The following NEK7 variants were observed in gnomAD, a reference collection of about 807,000 sequenced individuals.
The protein encoded by NEK7 is NIMA related kinase 7.
In NEK7, 18 loss-of-function variants were observed where a neutral mutation model predicts 44.6. That is an observed-to-expected ratio of 0.40 (90% confidence interval 0.28 to 0.60). NEK7 has a LOEUF of 0.60. Among genes scored for constraint, NEK7 ranks in the 20% least tolerant of loss-of-function variants. NEK7 has a pLI of 0.38. For synonymous variants in NEK7, 130 were observed against 121.1 expected (o/e 1.07, Z -0.48); for missense variants, 256 against 366.5 (o/e 0.70, Z 2.46).
chr1:198,306,124 T>C (rs1208660704), intron 9 of NEK7, among the ~76,000 whole-genome samples: 1 of 152,084 alleles, frequency 6.6e-6, no homozygotes, highest in Non-Finnish European at 1.5e-5. Context: ...CCCCATAGAG[T>C]TTTTATGAAG....
intron 8 of NEK7, 128 bp downstream of exon 8, chr1:198,293,167 G>A (rs560274481): frequency 3.1e-4 from 177 of 563,484 alleles, no homozygotes; most frequent in Middle Eastern, 9.3e-4. Flanking sequence ...AAGAATTTTC[G>A]TTGGGTTAAT....
intron 2 of NEK7, among the ~76,000 whole-genome samples, chr1:198,250,311 T>C (rs538199527): frequency 0.03 from 4,484 of 147,574 alleles, 32 homozygotes; most frequent in Middle Eastern, 0.046. Context: ...AGTCAGGTAG[T>C]GTGATGCCTC....
rs1472029619 is a variant in NEK7, at chr1:198,321,176, T to TA, written c.*1660dup. 6.6e-6 allele frequency: 1 copy of TA among 152,214 alleles called. No individual in the cohort carries two copies. Among genetic ancestry groups the TA allele is most frequent in the Non-Finnish European group, 1.5e-5 (1 of 68,032 alleles). The allele number at this position is 152,214 out of a possible 1,614,324, so 9.4% of individuals were successfully genotyped here. On this transcript the variant is annotated 3_prime_UTR_variant, in exon 10 of 10. Transcript: ENST00000367385. Reference sequence around the variant, plus strand: ...GAATGCTTTCAAGCATTTGTAAACTTAAAAAATGTATAAAGGGCAAAAAGT... The same window carrying TA: ...GAATGCTTTCAAGCATTTGTAAACTTAAAAAAATGTATAAAGGGCAAAAAGT...
intron 1 of NEK7, among the ~76,000 whole-genome samples, chr1:198,173,429 T>TA (rs1558041279): frequency 3.4e-4 from 51 of 147,990 alleles, no homozygotes; most frequent in East Asian, 5.9e-4. Flanking sequence ...ACTCTGTCTT[T>TA]TAAAAAAAAA....
intron 1 of NEK7, among the ~76,000 whole-genome samples, chr1:198,158,523 GT>G (rs1430429459): frequency 6.6e-6 from 1 of 152,184 alleles, no homozygotes. Flanking sequence ...AATATGTTCT[GT>G]TCAGGACCTT....
At chr1:198,173,524 CTGACT>C (rs1049608465) in intron 1 of NEK7, among the ~76,000 whole-genome samples, 2 of 151,596 alleles carry the variant, frequency 1.3e-5, no homozygotes, top group African/African-American at 2.4e-5. Flanking sequence ...TATTTGCTGC[CTGACT>C]TAAGTATAAT....
At position 198,180,558 on chromosome 1, in the gene NEK7, G is replaced by A. The variant is rs932239552; in HGVS notation, c.-29+23282G>A. Among the ~76,000 whole-genome samples, 3 of 151,902 alleles carry A rather than the reference G, an allele frequency of 2.0e-5. No individual in the cohort carries two copies. The East Asian group carries it at 5.8e-4, about 29-fold the overall frequency. ...GACAGGGCTAGAATTCATAATTTTT[G>A]TTGTTGTTATTTAACACATTTTCCC... On this transcript the variant is annotated intron_variant, in intron 1 of 9. Coordinates refer to ENST00000367385, the MANE Select transcript of NEK7 (RefSeq NM_133494.3).
intron 8 of NEK7, among the ~76,000 whole-genome samples, chr1:198,295,182 G>A (rs1049959124): frequency 2.0e-5 from 3 of 151,824 alleles, no homozygotes; most frequent in African/African-American, 4.8e-5. Flanking sequence ...TTGCTACACG[G>A]ACCTTTACAT....
chr1:198,170,310 CAGAGA>C (rs1664398862), intron 1 of NEK7, among the ~76,000 whole-genome samples: 1 of 152,016 alleles, frequency 6.6e-6, no homozygotes, highest in South Asian at 2.1e-4. Flanking sequence ...GGAGACCAGA[CAGAGA>C]CTAGTTTGGC....
At chr1:198,190,402 G>A (rs1177523609) in intron 1 of NEK7, among the ~76,000 whole-genome samples, 1 of 152,064 alleles carries the variant, frequency 6.6e-6, no homozygotes, top group African/African-American at 2.4e-5. Context: ...TTTTATGCCA[G>A]TATTTTTCTT....
chr1:198,200,415 C>T (rs1665392610), intron 1 of NEK7, among the ~76,000 whole-genome samples: 1 of 152,126 alleles, frequency 6.6e-6, no homozygotes, highest in Non-Finnish European at 1.5e-5. Context: ...GTACCACCAT[C>T]TCCAGAGATG....
At chr1:198,207,376 G>A (rs781075754) in intron 1 of NEK7, among the ~76,000 whole-genome samples, 1 of 152,078 alleles carries the variant, frequency 6.6e-6, no homozygotes, top group Non-Finnish European at 1.5e-5. Flanking sequence ...TTACCAGAGC[G>A]TAGAGTGTAT....
intron 9 of NEK7, among the ~76,000 whole-genome samples, chr1:198,314,938 C>T (rs1485253482): frequency 6.6e-6 from 1 of 152,228 alleles, no homozygotes; most frequent in South Asian, 2.1e-4. Flanking sequence ...AGGCAGGTCT[C>T]CTTGAGCTGT....
chr1:198,234,078 G>A (rs945577181), intron 2 of NEK7, among the ~76,000 whole-genome samples: 4 of 152,014 alleles, frequency 2.6e-5, no homozygotes, highest in Admixed American at 6.6e-5. Context: ...TTGAGGGAAA[G>A]GACTGTGTCT....
intron 1 of NEK7, among the ~76,000 whole-genome samples, chr1:198,161,835 G>A (rs1664115375): frequency 6.6e-6 from 1 of 151,868 alleles, no homozygotes; most frequent in Non-Finnish European, 1.5e-5. Context: ...AAAACTACTA[G>A]ACAAAGAAAC....
Position 198,191,982 on chromosome 1 carries a change from A to G in NEK7, c.-29+34706A>G, listed in dbSNP as rs1272631511. On this transcript the variant is annotated intron_variant, in intron 1 of 9. Coordinates refer to ENST00000367385, the MANE Select transcript of NEK7 (RefSeq NM_133494.3). ...GTTCTCCCTGTCTTTTCCTGCTTCA[A>G]TTGCCCTTTCAATAAGCTTGGATCT... is the stretch of plus-strand genomic sequence containing the variant. Among the ~76,000 whole-genome samples, 3 of 152,140 alleles carry G rather than the reference A, an allele frequency of 2.0e-5. 1 individual carries two copies. Among genetic ancestry groups the G allele is most frequent in the South Asian group, 4.1e-4 (2 of 4,820 alleles).
At chr1:198,219,763 A>C (rs892600432) in intron 1 of NEK7, among the ~76,000 whole-genome samples, 3 of 152,064 alleles carry the variant, frequency 2.0e-5, no homozygotes, top group Admixed American at 6.5e-5. Flanking sequence ...TGGCAGGAAT[A>C]TCACAGAGGT....
In NEK7 at chr1:198,243,637, T is replaced by C. The variant is rs546998956; in HGVS notation, c.58-9403T>C. ...TTAAATGCTACATATGCCAGGGTCT[T>C]ATAAATGTTTAATTAGATAACTGCT... On this transcript the variant is annotated intron_variant, in intron 2 of 9. Coordinates refer to ENST00000367385, the MANE Select transcript of NEK7 (RefSeq NM_133494.3). Among the ~76,000 whole-genome samples, 405 of 152,334 alleles carry C rather than the reference T, an allele frequency of 2.7e-3. 2 individuals carry two copies. Among genetic ancestry groups the C allele is most frequent in the African/African-American group, 8.3e-3 (347 of 41,578 alleles).
intron 8 of NEK7, 131 bp downstream of exon 8, chr1:198,293,170 G>T: frequency 1.8e-6 from 1 of 554,102 alleles, no homozygotes. Context: ...AATTTTCGTT[G>T]GGTTAATAAC....
Sources: gnomAD v4.1 joint callset for allele counts (sites outside exome capture counted in the v4.1 genomes callset) on GRCh38, gnomAD v4.1.1 for gene constraint, MANE v1.5 for transcripts, NCBI Gene and HGNC (gene_info 2026-07-23, HGNC 2026-07-21) for gene names.